The following NRG3 variants were observed in gnomAD, a reference collection of about 807,000 sequenced individuals.
The protein encoded by NRG3 is pro-neuregulin-3, membrane-bound isoform.
Under a neutral mutation model 66.9 loss-of-function variants are expected in NRG3, and 31 were observed. That is an observed-to-expected ratio of 0.46 (90% CI 0.35 to 0.63). The LOEUF (loss-of-function observed/expected upper bound fraction) is 0.63. NRG3 is among the 20% of genes least tolerant of loss of function. The pLI, the probability that NRG3 is intolerant of heterozygous loss-of-function variation, is 0.00. For synonymous variants in NRG3, 393 were observed against 359.4 expected (o/e 1.09, Z -1.06); for missense variants, 910 against 878.9 (o/e 1.04, Z -0.45).
At chr10:81,923,821 A>C (rs1041572870) in intron 1 of NRG3, among the ~76,000 whole-genome samples, 4 of 152,126 alleles carry the variant, frequency 2.6e-5, no homozygotes, top group African/African-American at 9.7e-5. Flanking sequence ...TGACGTTTGC[A>C]TGTTTGGAAA....
intron 1 of NRG3, among the ~76,000 whole-genome samples, chr10:82,024,895 T>A (rs2062229623): frequency 6.6e-6 from 1 of 152,100 alleles, no homozygotes; most frequent in Non-Finnish European, 1.5e-5. Context: ...CACATCATAA[T>A]TTATTTGAGA....
chr10:82,527,883 T>G (rs1846870235), intron 2 of NRG3, among the ~76,000 whole-genome samples: 2 of 151,356 alleles, frequency 1.3e-5, no homozygotes, highest in Admixed American at 1.3e-4. Context: ...TATAACAAAT[T>G]GTCTCAACCT....
intron 1 of NRG3, among the ~76,000 whole-genome samples, chr10:82,201,133 G>C (rs1765659249): frequency 1.3e-5 from 2 of 149,750 alleles, no homozygotes; most frequent in African/African-American, 2.5e-5. Context: ...AGGAAGTGGA[G>C]GTTGCGGTGA....
intron 1 of NRG3, among the ~76,000 whole-genome samples, chr10:82,020,494 G>C (rs1185369862): frequency 6.6e-6 from 1 of 152,012 alleles, no homozygotes; most frequent in Non-Finnish European, 1.5e-5. Flanking sequence ...TCTTAACTTG[G>C]GCCCTGAGTA....
chr10:82,010,917 A>G (rs2061549970), intron 1 of NRG3, among the ~76,000 whole-genome samples: 1 of 152,180 alleles, frequency 6.6e-6, no homozygotes, highest in African/African-American at 2.4e-5. Context: ...GTGACACATG[A>G]GACGCTTCTT....
intron 1 of NRG3, among the ~76,000 whole-genome samples, chr10:81,927,385 A>C (rs1454234964): frequency 1.3e-5 from 2 of 152,134 alleles, no homozygotes; most frequent in African/African-American, 4.8e-5. Flanking sequence ...AAATGTTCTA[A>C]AATTACAACA....
chr10:82,034,670 T>C (rs2132928892), intron 1 of NRG3, among the ~76,000 whole-genome samples: 1 of 152,200 alleles, frequency 6.6e-6, no homozygotes, highest in African/African-American at 2.4e-5. Context: ...CACCTTGTTT[T>C]ATCTGCATTT....
intron 1 of NRG3, among the ~76,000 whole-genome samples, chr10:81,932,872 G>C (rs145748547): frequency 1.3e-5 from 2 of 152,042 alleles, no homozygotes; most frequent in African/African-American, 4.8e-5. Context: ...ACTTTGGGAG[G>C]CCAAGGCGGG....
chr10:82,527,446 G>C (rs994149041), intron 2 of NRG3, among the ~76,000 whole-genome samples: 3 of 152,138 alleles, frequency 2.0e-5, no homozygotes, highest in African/African-American at 7.2e-5. Flanking sequence ...AATTATAGAG[G>C]GCTTCTGACA....
rs527677712 is a variant in NRG3 at position 82,133,835 on chromosome 10, G to T, written c.824-224904G>T. 3.9e-5 allele frequency among the ~76,000 whole-genome samples: 6 copies of T among 152,194 alleles called. No homozygotes were observed. The East Asian group carries it at 1.2e-3, about 29-fold the overall frequency. ...TCTACTTTTAGCTCTTTGAGGAATC[G>T]CCATACTGCCTTCCACAATGGTTGA... is the stretch of plus-strand genomic sequence containing the variant. On this transcript the variant is annotated intron_variant, in intron 1 of 8. Coordinates refer to ENST00000372141, the MANE Select transcript of NRG3 (RefSeq NM_001010848.4).
intron 3 of NRG3, among the ~76,000 whole-genome samples, chr10:82,792,355 A>G (rs2060621186): frequency 6.6e-6 from 1 of 152,096 alleles, no homozygotes; most frequent in Non-Finnish European, 1.5e-5. Flanking sequence ...TTTATCTTTC[A>G]TTATTCTGCT....
At chr10:82,884,347 G>T (rs1425118149) in intron 4 of NRG3, among the ~76,000 whole-genome samples, 1 of 151,914 alleles carries the variant, frequency 6.6e-6, no homozygotes, top group East Asian at 1.9e-4. Flanking sequence ...CGTCATCTTT[G>T]TTTTTTCTGT....
chr10:82,985,342 G>C lies in NRG3; in HGVS notation c.1828G>C (p.Val610Leu). The C allele has an allele frequency of 6.2e-7, 1 of 1,614,142 alleles. No homozygotes were observed. Among genetic ancestry groups the C allele is most frequent in the Non-Finnish European group, 8.5e-7 (1 of 1,180,010 alleles). Reference protein sequence around the residue: ...WCKNSYSADVVNVSIPVSDCL... With the variant: ...WCKNSYSADVLNVSIPVSDCL... Reference sequence around the variant, plus strand: ...CAAAAACTCCTATTCAGCTGACGTTGTCAATGTGAGTATTCCAGTCAGCGA... The same window carrying C: ...CAAAAACTCCTATTCAGCTGACGTTCTCAATGTGAGTATTCCAGTCAGCGA... Residue 610 changes from valine (V) to leucine (L), a missense_variant, in exon 9 of 9, where the codon GTC (valine) becomes CTC (leucine). Coordinates refer to ENST00000372141, the MANE Select transcript of NRG3 (RefSeq NM_001010848.4).
chr10:81,897,989 A>G (rs1162238155), intron 1 of NRG3, among the ~76,000 whole-genome samples: 3 of 152,180 alleles, frequency 2.0e-5, no homozygotes, highest in Non-Finnish European at 2.9e-5. Flanking sequence ...CTGTAGACCA[A>G]TCAGTCTCTT....
At chr10:82,603,860 T>C (rs1211147973) in intron 2 of NRG3, among the ~76,000 whole-genome samples, 1 of 152,168 alleles carries the variant, frequency 6.6e-6, no homozygotes, top group Middle Eastern at 3.2e-3. Context: ...ACAAATGTTA[T>C]GTTTGAAATG....
intron 4 of NRG3, among the ~76,000 whole-genome samples, chr10:82,886,503 T>A (rs566403738): frequency 6.6e-6 from 1 of 152,346 alleles, no homozygotes; most frequent in South Asian, 2.1e-4. Flanking sequence ...TGCATTATTT[T>A]ACCTATCCGA....
At chr10:82,112,008 C>A (rs1463859623) in intron 1 of NRG3, among the ~76,000 whole-genome samples, 1 of 151,820 alleles carries the variant, frequency 6.6e-6, no homozygotes, top group Non-Finnish European at 1.5e-5. Flanking sequence ...TTTGGGAGGC[C>A]AAGGCAGGAG....
intron 2 of NRG3, among the ~76,000 whole-genome samples, chr10:82,528,103 AG>A (rs1846901535): frequency 6.6e-6 from 1 of 152,144 alleles, no homozygotes; most frequent in Non-Finnish European, 1.5e-5. Flanking sequence ...AATTTCACTT[AG>A]GGGACAAAAC....
At chr10:82,871,893 C>T (rs1841378115) in intron 4 of NRG3, among the ~76,000 whole-genome samples, 1 of 152,016 alleles carries the variant, frequency 6.6e-6, no homozygotes, top group Non-Finnish European at 1.5e-5. Context: ...AATCTGTGTA[C>T]ATTTTGTTTC....
Sources: gnomAD v4.1 joint callset for allele counts (sites outside exome capture counted in the v4.1 genomes callset) on GRCh38, gnomAD v4.1.1 for gene constraint, MANE v1.5 for transcripts, NCBI Gene and HGNC (gene_info 2026-07-23, HGNC 2026-07-21) for gene names.